Variants in NEGR1 observed in about 807,000 individuals in gnomAD.
NEGR1 encodes the protein neuronal growth regulator 1, also known as IgLON family member 4.
A neutral mutation model predicts 40.9 loss-of-function variants in NEGR1; 10 were observed. That is an observed-to-expected ratio of 0.24 (90% CI 0.15 to 0.42). NEGR1 has a LOEUF of 0.42. Ranked by LOEUF, NEGR1 falls within the 10% of genes least tolerant of loss-of-function variation. NEGR1 has a pLI of 1.00. For synonymous variants in NEGR1, 185 were observed against 166.8 expected (o/e 1.11, Z -0.84); for missense variants, 352 against 438.9 (o/e 0.80, Z 1.77).
intron 1 of NEGR1, among the ~76,000 whole-genome samples, chr1:72,260,466 A>G (rs1655419612): frequency 6.6e-6 from 1 of 152,120 alleles, no homozygotes; most frequent in African/African-American, 2.4e-5. Context: ...GAATACACAC[A>G]TTTTATAAAA....
chr1:71,882,814 A>C (rs181873759), intron 2 of NEGR1, among the ~76,000 whole-genome samples: 1 of 151,630 alleles, frequency 6.6e-6, no homozygotes, highest in African/African-American at 2.4e-5. Flanking sequence ...TTACACAGAT[A>C]CTTTTCCTAC....
chr1:71,474,130 C>A (rs1646802636), intron 6 of NEGR1, among the ~76,000 whole-genome samples: 1 of 151,746 alleles, frequency 6.6e-6, no homozygotes, highest in Non-Finnish European at 1.5e-5. Flanking sequence ...AGTTTGTCAC[C>A]CACAGACTTG....
intron 1 of NEGR1, among the ~76,000 whole-genome samples, chr1:71,985,313 G>C (rs528693319): frequency 6.6e-6 from 1 of 152,082 alleles, no homozygotes; most frequent in African/African-American, 2.4e-5. Context: ...TCTTGAATTC[G>C]CTCCCTTCTC....
intron 6 of NEGR1, among the ~76,000 whole-genome samples, chr1:71,577,931 T>C (rs1178080913): frequency 2.0e-5 from 3 of 152,074 alleles, no homozygotes; most frequent in Non-Finnish European, 4.4e-5. Context: ...CCAGTACTGA[T>C]ACACACTCTC....
chr1:71,473,440 GA>G (rs1646796724), intron 6 of NEGR1, among the ~76,000 whole-genome samples: 1 of 151,978 alleles, frequency 6.6e-6, no homozygotes, highest in Non-Finnish European at 1.5e-5. Context: ...TGTCAACCCA[GA>G]ATTCTACATA....
chr1:72,163,149 T>C (rs1453860181), intron 1 of NEGR1, among the ~76,000 whole-genome samples: 1 of 152,180 alleles, frequency 6.6e-6, no homozygotes, highest in Non-Finnish European at 1.5e-5. Flanking sequence ...GCAGTGCAGT[T>C]ATTTAACAGT....
intron 6 of NEGR1, among the ~76,000 whole-genome samples, chr1:71,535,060 A>G (rs186133331): frequency 6.6e-6 from 1 of 151,810 alleles, no homozygotes; most frequent in Non-Finnish European, 1.5e-5. Flanking sequence ...GTTTAATGCT[A>G]TATAATACAT....
chr1:71,453,793 A>T lies in NEGR1; in HGVS notation c.941-46223T>A, dbSNP rs1264340019. Among the ~76,000 whole-genome samples the T allele has an allele frequency of 2.0e-5, 3 of 152,200 alleles. No homozygotes were observed. In the East Asian group the frequency reaches 5.8e-4, roughly 29 times the overall value. On this transcript the variant is annotated intron_variant, in intron 6 of 6. Transcript: ENST00000357731. ...CCAGGGAAATGAAAAGCTAATAAGGATCAGCATGAACTCTGGAATGGTTCT... is the reference window on the plus strand; with the variant it reads ...CCAGGGAAATGAAAAGCTAATAAGGTTCAGCATGAACTCTGGAATGGTTCT...
At chr1:71,668,747 T>C (rs1017350063) in intron 4 of NEGR1, among the ~76,000 whole-genome samples, 3 of 151,888 alleles carry the variant, frequency 2.0e-5, no homozygotes, top group African/African-American at 4.8e-5. Flanking sequence ...TGTAGAAGGG[T>C]TGGCATTTTC....
intron 6 of NEGR1, among the ~76,000 whole-genome samples, chr1:71,430,767 C>T (rs1433448930): frequency 7.4e-5 from 10 of 135,542 alleles, no homozygotes; most frequent in African/African-American, 2.5e-4. Context: ...AGTGCAGTGG[C>T]GCGATCTCGG....
chr1:71,928,052 A>ATATATACACATATGTATATATG lies in NEGR1; in HGVS notation c.409+7026_409+7027insCATATATACATATGTGTATATA, dbSNP rs1645795804. Among the ~76,000 whole-genome samples the ATATATACACATATGTATATATG allele has an allele frequency of 2.8e-5, 3 of 105,772 alleles. 1 individual carries two copies. The highest frequency in any genetic ancestry group is 4.3e-5 in the African/African-American group (1 of 23,260). The allele number at this position is 105,772 out of a possible 152,430, so 69.4% of individuals were successfully genotyped here. ...TACACACACACACACACACACACGT[A>ATATATACACATATGTATATATG]TATATATACACACACACATATGTAC... On this transcript the variant is annotated intron_variant, in intron 2 of 6. Coordinates refer to ENST00000357731, the MANE Select transcript of NEGR1 (RefSeq NM_173808.3).
chr1:71,805,087 C>T (rs1657709621), intron 2 of NEGR1, among the ~76,000 whole-genome samples: 1 of 152,088 alleles, frequency 6.6e-6, no homozygotes, highest in Non-Finnish European at 1.5e-5. Context: ...CTTAGCGCTC[C>T]CAGGCTTATT....
intron 1 of NEGR1, among the ~76,000 whole-genome samples, chr1:72,142,532 T>TAGATAGAC (rs1650722555): frequency 6.7e-6 from 1 of 148,642 alleles, no homozygotes; most frequent in African/African-American, 2.5e-5. Flanking sequence ...AGATGATAGA[T>TAGATAGAC]AGATAGATAG....
chr1:71,894,348 G>A (rs1660903329), intron 2 of NEGR1, among the ~76,000 whole-genome samples: 1 of 152,076 alleles, frequency 6.6e-6, no homozygotes, highest in African/African-American at 2.4e-5. Context: ...AAGAATCAGG[G>A]GAACCACATT....
intron 1 of NEGR1, among the ~76,000 whole-genome samples, chr1:72,055,586 C>A (rs1647102936): frequency 1.3e-5 from 2 of 150,908 alleles, no homozygotes; most frequent in African/African-American, 4.8e-5. Context: ...TTAGAAGCAT[C>A]TGAAAGTATT....
At chr1:71,822,553 A>G (rs576819782) in intron 2 of NEGR1, among the ~76,000 whole-genome samples, 1 of 152,062 alleles carries the variant, frequency 6.6e-6, no homozygotes, top group South Asian at 2.1e-4. Context: ...TCAGTGTCCA[A>G]CTGCCCCCAA....
At chr1:72,041,479 G>A (rs1646953774) in intron 1 of NEGR1, among the ~76,000 whole-genome samples, 1 of 148,244 alleles carries the variant, frequency 6.7e-6, no homozygotes, top group Non-Finnish European at 1.5e-5. Context: ...ATTAAAGTGG[G>A]AGTTTTCTGT....
At chr1:71,569,482 A>G (rs7553565) in intron 6 of NEGR1, among the ~76,000 whole-genome samples, 90,892 of 152,000 alleles carry the variant, frequency 0.6, 27,836 homozygotes, top group Non-Finnish European at 0.67. Context: ...TCAAGGATAA[A>G]TAAATCCATT....
chr1:71,633,974 G>A (rs1416011074), intron 4 of NEGR1, among the ~76,000 whole-genome samples: 1 of 152,056 alleles, frequency 6.6e-6, no homozygotes, highest in African/African-American at 2.4e-5. Flanking sequence ...TAAACAAGGA[G>A]TGGAATTTAA....
Sources: allele counts gnomAD v4.1 joint callset (sites outside exome capture counted in the v4.1 genomes callset), GRCh38; gene constraint gnomAD v4.1.1; transcripts MANE v1.5; gene names NCBI Gene and HGNC (gene_info 2026-07-23, HGNC 2026-07-21).